The following LRRTM4 variants were observed in gnomAD, a reference collection of about 807,000 sequenced individuals.
LRRTM4 encodes leucine-rich repeat transmembrane neuronal protein 4.
Under a neutral mutation model 47.6 loss-of-function variants are expected in LRRTM4, and 25 were observed. That is an observed-to-expected ratio of 0.53 (90% confidence interval 0.38 to 0.73). LRRTM4 has a LOEUF of 0.73. LRRTM4 is among the 30% of genes least tolerant of loss of function. LRRTM4 has a pLI of 0.00. For synonymous variants in LRRTM4, 311 were observed against 269.5 expected, an observed-to-expected ratio of 1.15 and a Z score of -1.51; for missense variants, 638 against 713.4, an observed-to-expected ratio of 0.89 and a Z score of 1.20.
At chr2:77,440,917 A>G (rs1236193928) in intron 3 of LRRTM4, among the ~76,000 whole-genome samples, 3 of 152,206 alleles carry the variant, frequency 2.0e-5, no homozygotes, top group Non-Finnish European at 4.4e-5. Context: ...CCTATAAATC[A>G]AGAAGTACTC....
chr2:77,428,828 A>G (rs1558739264), intron 3 of LRRTM4, among the ~76,000 whole-genome samples: 1 of 152,242 alleles, frequency 6.6e-6, no homozygotes, highest in Non-Finnish European at 1.5e-5. Flanking sequence ...CTTGTGATTA[A>G]GTAGAATCCT....
intron 3 of LRRTM4, among the ~76,000 whole-genome samples, chr2:77,400,306 C>T (rs1408723916): frequency 6.6e-6 from 1 of 151,752 alleles, no homozygotes; most frequent in African/African-American, 2.4e-5. Flanking sequence ...ACAATTTGCT[C>T]TAATGACTAC....
chr2:77,174,122 C>T (rs1209930464), intron 3 of LRRTM4, among the ~76,000 whole-genome samples: 1 of 152,082 alleles, frequency 6.6e-6, no homozygotes, highest in Non-Finnish European at 1.5e-5. Context: ...GCCCTGCCCA[C>T]CAAATGCACC....
intron 3 of LRRTM4, among the ~76,000 whole-genome samples, chr2:76,761,958 T>C (rs1329872592): frequency 6.6e-6 from 1 of 152,166 alleles, no homozygotes; most frequent in African/African-American, 2.4e-5. Flanking sequence ...ATTCATGAAA[T>C]TCGCCATTTG....
intron 3 of LRRTM4, among the ~76,000 whole-genome samples, chr2:76,949,416 G>T (rs752821543): frequency 2.6e-5 from 4 of 151,850 alleles, no homozygotes; most frequent in Admixed American, 6.6e-5. Context: ...TATAATGCAA[G>T]GTAAACCCTG....
chr2:76,873,001 A>G (rs1161724195), intron 3 of LRRTM4, among the ~76,000 whole-genome samples: 2 of 152,122 alleles, frequency 1.3e-5, no homozygotes. Flanking sequence ...TATTGATGCC[A>G]TGCTTCTTGT....
intron 3 of LRRTM4, among the ~76,000 whole-genome samples, chr2:77,097,396 G>T (rs1430444586): frequency 6.6e-6 from 1 of 151,904 alleles, no homozygotes; most frequent in Non-Finnish European, 1.5e-5. Context: ...ACAAAACTTT[G>T]CATTTGGTAG....
At chr2:77,495,571 G>A (rs1678330354) in intron 3 of LRRTM4, among the ~76,000 whole-genome samples, 1 of 151,956 alleles carries the variant, frequency 6.6e-6, no homozygotes, top group South Asian at 2.1e-4. Context: ...ATTGGTATGA[G>A]GCATGAGGTT....
intron 3 of LRRTM4, among the ~76,000 whole-genome samples, chr2:77,116,451 A>G (rs2103946543): frequency 6.6e-6 from 1 of 152,290 alleles, no homozygotes; most frequent in African/African-American, 2.4e-5. Flanking sequence ...TAATTACTGC[A>G]GTAATAAAAT....
At chr2:77,023,978 C>T (rs1290170804) in intron 3 of LRRTM4, among the ~76,000 whole-genome samples, 1 of 152,166 alleles carries the variant, frequency 6.6e-6, no homozygotes, top group South Asian at 2.1e-4. Flanking sequence ...ATTAATTGGA[C>T]TTACAGTTCC....
intron 3 of LRRTM4, among the ~76,000 whole-genome samples, chr2:77,314,874 C>T (rs11126603): frequency 0.2 from 30,960 of 152,018 alleles, 3,485 homozygotes; most frequent in East Asian, 0.42. Flanking sequence ...ACCACAGCAA[C>T]GAGCCAAAGC....
chr2:77,411,467 T>C (rs1373495470), intron 3 of LRRTM4, among the ~76,000 whole-genome samples: 1 of 135,230 alleles, frequency 7.4e-6, no homozygotes, highest in African/African-American at 2.9e-5. Flanking sequence ...TTTTTTTTTT[T>C]TTTGAGACGG....
intron 3 of LRRTM4, among the ~76,000 whole-genome samples, chr2:76,801,058 G>A (rs1367641174): frequency 6.7e-6 from 1 of 150,164 alleles, no homozygotes; most frequent in South Asian, 2.2e-4. Flanking sequence ...CTTTTACACT[G>A]TTGGTGGGAC....
At chr2:76,839,412 T>C (rs1167877346) in intron 3 of LRRTM4, among the ~76,000 whole-genome samples, 1 of 152,178 alleles carries the variant, frequency 6.6e-6, no homozygotes, top group Non-Finnish European at 1.5e-5. Flanking sequence ...TCTCTAATGG[T>C]GATCTTAAAG....
intron 3 of LRRTM4, among the ~76,000 whole-genome samples, chr2:77,313,043 C>T (rs946590264): frequency 6.6e-6 from 1 of 152,118 alleles, no homozygotes; most frequent in Non-Finnish European, 1.5e-5. Flanking sequence ...CACTAGAAAA[C>T]ATTAACCCAT....
chr2:76,941,456 C>T (rs973996995), intron 3 of LRRTM4, among the ~76,000 whole-genome samples: 5 of 152,014 alleles, frequency 3.3e-5, no homozygotes, highest in Non-Finnish European at 5.9e-5. Flanking sequence ...TAATCTTATC[C>T]GTCCCCTTGC....
chr2:76,913,839 G>A (rs1015727944), intron 3 of LRRTM4, among the ~76,000 whole-genome samples: 24 of 151,690 alleles, frequency 1.6e-4, no homozygotes, highest in Non-Finnish European at 2.8e-4. Flanking sequence ...ATGCCCAGCC[G>A]CTATTTCAAT....
chr2:77,101,898 CTT>C (rs36089649), intron 3 of LRRTM4, among the ~76,000 whole-genome samples: 5,187 of 152,204 alleles, frequency 0.034, 271 homozygotes, highest in African/African-American at 0.11. Flanking sequence ...GTAAGCCTGT[CTT>C]TACATTAGAA....
At chr2:76,914,159 G>C (rs1168448602) in intron 3 of LRRTM4, among the ~76,000 whole-genome samples, 2 of 151,586 alleles carry the variant, frequency 1.3e-5, no homozygotes, top group African/African-American at 2.4e-5. Context: ...ATGTTTTCCG[G>C]CTTTTTATTG....
Sources: allele counts gnomAD v4.1 joint callset (sites outside exome capture counted in the v4.1 genomes callset), GRCh38; gene constraint gnomAD v4.1.1; transcripts MANE v1.5; gene names NCBI Gene and HGNC (gene_info 2026-07-23, HGNC 2026-07-21).